Variants in CRB1 observed in about 807,000 individuals in gnomAD.
CRB1 encodes the protein protein crumbs homolog 1.
Under a neutral mutation model 120.0 loss-of-function variants are expected in CRB1, and 83 were observed. That is an observed-to-expected ratio of 0.69 (90% CI 0.58 to 0.83). CRB1 has a LOEUF of 0.83. Among genes scored for constraint, CRB1 ranks in the 40% least tolerant of loss-of-function variants. The pLI is 0.00. For missense variants in CRB1, 1,699 were observed against 1,687.6 expected (o/e 1.01, Z -0.12); for synonymous variants, 625 against 612.5 (o/e 1.02, Z -0.30).
chr1:197,413,484 A>G (rs1429466744), intron 5 of CRB1, among the ~76,000 whole-genome samples: 1 of 152,248 alleles, frequency 6.6e-6, no homozygotes, highest in Non-Finnish European at 1.5e-5. Flanking sequence ...ACTATTCAAA[A>G]GGAAAACAAA....
At chr1:197,363,902 T>C in intron 5 of CRB1, 1 of 1,199,300 alleles carries the variant, frequency 8.3e-7, no homozygotes, top group Non-Finnish European at 1.2e-6. Flanking sequence ...CTAAACAGAA[T>C]CCTCACTACG....
At chr1:197,303,871 C>G (rs1657019896) in intron 1 of CRB1, among the ~76,000 whole-genome samples, 1 of 152,082 alleles carries the variant, frequency 6.6e-6, no homozygotes, top group East Asian at 1.9e-4. Context: ...GCCTGTAGTT[C>G]CAGCTACTTG....
rs568774309 is a variant in CRB1 at position 197,289,820 on chromosome 1, T to C, written c.70+21338T>C. ...TTTGCCTTTTAAAATGGACCTATTC[T>C]TTTTTATATAATGTGCTTTATTTTT... On this transcript the variant is annotated intron_variant, in intron 1 of 11. Coordinates refer to ENST00000367400, the MANE Select transcript of CRB1 (RefSeq NM_201253.3). Among the ~76,000 whole-genome samples, 137 of 151,808 alleles carry C rather than the reference T, an allele frequency of 9.0e-4. 1 individual carries two copies. The highest frequency in any genetic ancestry group is 1.7e-3 in the Non-Finnish European group (114 of 67,818).
chr1:197,403,580 A>G (rs978159650), intron 5 of CRB1, among the ~76,000 whole-genome samples: 2 of 152,146 alleles, frequency 1.3e-5, no homozygotes, highest in Non-Finnish European at 2.9e-5. Context: ...AGTGGTAGAT[A>G]TCTGAGTTCT....
At chr1:197,316,344 C>G (rs908870205) in intron 1 of CRB1, among the ~76,000 whole-genome samples, 2 of 152,118 alleles carry the variant, frequency 1.3e-5, no homozygotes, top group Non-Finnish European at 2.9e-5. Flanking sequence ...GCCACCGAGC[C>G]CGGCTGATTT....
At chr1:197,251,824 T>C in the CRB1 span, among the ~76,000 whole-genome samples, 11 of 152,040 alleles carry the variant, frequency 7.2e-5, no homozygotes, top group Non-Finnish European at 1.5e-4. Context: ...ATAATTTCAC[T>C]TGGTAATGTG....
Position 197,429,422 on chromosome 1 carries a change from T to C in CRB1, c.2677-27T>C, listed in dbSNP as rs538099928. The stretch of plus-strand genomic sequence containing the variant: ...TTTCTATTTAGTTGCCAGTGCTTTT[T>C]ATACCTTTGATTTCTTTTCTGCTCA... On this transcript the variant is annotated intron_variant, in intron 7 of 11. Transcript: ENST00000367400. 3.1e-5 allele frequency: 50 copies of C among 1,613,800 alleles called. 3 individuals carry two copies. In the South Asian group the frequency reaches 4.6e-4, roughly 15 times the overall value.
intron 5 of CRB1, among the ~76,000 whole-genome samples, chr1:197,387,410 C>A (rs566256799): frequency 1.3e-5 from 2 of 152,092 alleles, no homozygotes; most frequent in African/African-American, 4.8e-5. Flanking sequence ...TTTCCTCTGC[C>A]ATTTGTCTTT....
chr1:197,273,358 A>G (rs952741510), intron 1 of CRB1, among the ~76,000 whole-genome samples: 2 of 152,146 alleles, frequency 1.3e-5, no homozygotes, highest in Non-Finnish European at 2.9e-5. Flanking sequence ...TCAACATGAT[A>G]TGTGACTGCT....
At chr1:197,429,738 C>T in intron 8 of CRB1, 124 bp downstream of exon 8, 2 of 1,032,842 alleles carry the variant, frequency 1.9e-6, no homozygotes, top group African/African-American at 1.6e-5. Flanking sequence ...GGTTGTTTCC[C>T]CTATGCGAGT....
chr1:197,401,824 C>A (rs534477143), intron 5 of CRB1, among the ~76,000 whole-genome samples: 2 of 152,142 alleles, frequency 1.3e-5, no homozygotes, highest in Non-Finnish European at 2.9e-5. Flanking sequence ...ATTTGAATGA[C>A]AGTTTCTCTG....
intron 1 of CRB1, among the ~76,000 whole-genome samples, chr1:197,268,892 A>T (rs1173637447): frequency 6.6e-6 from 1 of 152,164 alleles, no homozygotes; most frequent in Non-Finnish European, 1.5e-5. Flanking sequence ...ATTTATCTTC[A>T]CTTTTAAATA....
chr1:197,354,484 T>C (rs935749968), intron 4 of CRB1, among the ~76,000 whole-genome samples: 22 of 152,090 alleles, frequency 1.4e-4, no homozygotes, highest in Admixed American at 1.4e-3. Context: ...AGTTTCTTCT[T>C]TCTGGTGGGT....
chr1:197,339,086 C>G (rs1405233126), intron 2 of CRB1, among the ~76,000 whole-genome samples: 1 of 152,138 alleles, frequency 6.6e-6, no homozygotes, highest in Non-Finnish European at 1.5e-5. Context: ...TTTTTGGTGT[C>G]CTTAGGAAAG....
At position 197,421,795 on chromosome 1, in the gene CRB1, A is replaced by G. The variant is rs1664342950; in HGVS notation, c.1967A>G (p.Glu656Gly). ...ATTGATTGGAATCACATTACCCTGG[A>G]GAACATCTCGTCTGGCTCATCATTA... ...IKIDWNHITL[E>G]NISSGSSLNV... Residue 656 changes from glutamate (E) to glycine (G), a missense_variant, in exon 6 of 12, where the codon GAG (glutamate) becomes GGG (glycine). Coordinates refer to ENST00000367400, the MANE Select transcript of CRB1 (RefSeq NM_201253.3). 6.2e-7 allele frequency: 1 copy of G among 1,614,204 alleles called. No individual in the cohort carries two copies. Among genetic ancestry groups the G allele is most frequent in the Non-Finnish European group, 8.5e-7 (1 of 1,180,048 alleles).
chr1:197,220,573 A>C, the CRB1 span, among the ~76,000 whole-genome samples: 1 of 152,188 alleles, frequency 6.6e-6, no homozygotes, highest in Admixed American at 6.5e-5. Context: ...TCTTTTGAGA[A>C]GTTTTAGGTT....
intron 2 of CRB1, among the ~76,000 whole-genome samples, chr1:197,336,218 C>T (rs1238269771): frequency 6.6e-6 from 1 of 152,182 alleles, no homozygotes; most frequent in Non-Finnish European, 1.5e-5. Context: ...ATGTAACTGA[C>T]ACTGCCATTA....
chr1:197,324,045 A>C (rs1658355014), intron 1 of CRB1, among the ~76,000 whole-genome samples: 1 of 152,172 alleles, frequency 6.6e-6, no homozygotes, highest in Admixed American at 6.5e-5. Context: ...TGACCTTCTA[A>C]AGAGGAGCTA....
chr1:197,378,086 G>C (rs1357710015), intron 5 of CRB1, among the ~76,000 whole-genome samples: 2 of 152,194 alleles, frequency 1.3e-5, no homozygotes, highest in Non-Finnish European at 2.9e-5. Flanking sequence ...TGACATGTAA[G>C]TTTTCTGGTT....
Sources: gnomAD v4.1 joint callset for allele counts (sites outside exome capture counted in the v4.1 genomes callset) on GRCh38, gnomAD v4.1.1 for gene constraint, MANE v1.5 for transcripts, NCBI Gene and HGNC (gene_info 2026-07-23, HGNC 2026-07-21) for gene names.